The following AHCTF1 variants were observed in gnomAD, a reference collection of about 807,000 sequenced individuals.
AHCTF1 encodes the protein AT-hook containing transcription factor 1.
In AHCTF1, 24 loss-of-function variants were observed where a neutral mutation model predicts 248.4. The ratio of observed to expected loss-of-function variants is 0.10; its 90% CI spans 0.07 to 0.14. The LOEUF is 0.14. Ranked by LOEUF, AHCTF1 falls within the 10% of genes least tolerant of loss-of-function variation. AHCTF1 has a pLI of 1.00. For missense variants in AHCTF1, 2,206 were observed against 2,636.2 expected (o/e 0.84, Z 3.57); for synonymous variants, 786 against 929.8 (o/e 0.85, Z 2.81).
intron 6 of AHCTF1, 25 bp downstream of exon 6, chr1:246,905,516 A>T: frequency 1.3e-6 from 2 of 1,586,346 alleles, no homozygotes; most frequent in Non-Finnish European, 1.7e-6. Context: ...AAAACAAAAC[A>T]AAACAAAGTT....
intron 21 of AHCTF1, among the ~76,000 whole-genome samples, chr1:246,881,505 G>T (rs1259659747): frequency 2.0e-5 from 3 of 152,104 alleles, no homozygotes; most frequent in Admixed American, 6.5e-5. Flanking sequence ...ACTTATCAGT[G>T]GGTAAATCAA....
intron 23 of AHCTF1, 141 bp downstream of exon 23, chr1:246,876,807 CAG>C: frequency 9.9e-7 from 1 of 1,011,576 alleles, no homozygotes; most frequent in Non-Finnish European, 1.4e-6. Context: ...AATTCTGTTA[CAG>C]AGATGAACTG....
chr1:246,875,086 G>A (rs1329891931), intron 24 of AHCTF1, among the ~76,000 whole-genome samples: 1 of 152,152 alleles, frequency 6.6e-6, no homozygotes, highest in African/African-American at 2.4e-5. Flanking sequence ...CCACCATACT[G>A]AAGTCTCCAC....
At chr1:246,911,528 G>A (rs1665805202) in intron 4 of AHCTF1, among the ~76,000 whole-genome samples, 1 of 136,502 alleles carries the variant, frequency 7.3e-6, no homozygotes, top group Non-Finnish European at 1.5e-5. Flanking sequence ...TTGTTGCCCA[G>A]GCTGGAATGC....
intron 17 of AHCTF1, among the ~76,000 whole-genome samples, chr1:246,889,031 T>G (rs1664023188): frequency 6.6e-6 from 1 of 152,172 alleles, no homozygotes; most frequent in Non-Finnish European, 1.5e-5. Context: ...AGCCAGTCAG[T>G]CAAGGTGAGG....
chr1:246,841,955 ATT>A (rs1211083487), intron 35 of AHCTF1, among the ~76,000 whole-genome samples: 3 of 124,280 alleles, frequency 2.4e-5, no homozygotes, highest in African/African-American at 3.1e-5. Context: ...CGCCCAGCTA[ATT>A]TTTTTTTTTT....
intron 3 of AHCTF1, among the ~76,000 whole-genome samples, chr1:246,915,284 C>T (rs1477117984): frequency 2.6e-5 from 4 of 152,050 alleles, no homozygotes; most frequent in Non-Finnish European, 5.9e-5. Flanking sequence ...GAGCTGAGAT[C>T]GTGCCACTGC....
intron 14 of AHCTF1, 118 bp from the exon 15 acceptor site, chr1:246,892,037 AT>A: frequency 3.5e-6 from 4 of 1,156,982 alleles, no homozygotes; most frequent in Middle Eastern, 2.0e-4. Flanking sequence ...TCATTATGAG[AT>A]TTATAAAGAC....
intron 14 of AHCTF1, among the ~76,000 whole-genome samples, chr1:246,892,819 T>TA (rs397983640): frequency 6.6e-6 from 1 of 151,180 alleles, no homozygotes; most frequent in Non-Finnish European, 1.5e-5. Context: ...GATTTTTTTT[T>TA]GGTTTTGCAG....
At chr1:246,881,474 T>G (rs1177143508) in intron 21 of AHCTF1, among the ~76,000 whole-genome samples, 3 of 152,304 alleles carry the variant, frequency 2.0e-5, no homozygotes, top group South Asian at 4.1e-4. Context: ...TTTCACCTAT[T>G]AAATGGAGAA....
At chr1:246,926,899 C>G (rs1328397014) in intron 1 of AHCTF1, among the ~76,000 whole-genome samples, 1 of 149,178 alleles carries the variant, frequency 6.7e-6, no homozygotes, top group Non-Finnish European at 1.5e-5. Context: ...TATGGCCGGG[C>G]CGCGGTGGCA....
Position 246,849,635 on chromosome 1 carries a change from T to C in AHCTF1, c.6371A>G (p.Glu2124Gly). The C allele has an allele frequency of 1.2e-6, 2 of 1,609,676 alleles. No individual in the cohort carries two copies. Among genetic ancestry groups the C allele is most frequent in the Non-Finnish European group, 1.7e-6 (2 of 1,176,892 alleles). The change falls in exon 33 of 36, where the codon GAA becomes GGA. Residue 2124 changes from glutamate to glycine, a missense_variant. Coordinates refer to ENST00000648844, the MANE Select transcript of AHCTF1 (RefSeq NM_001323342.2). ...NNEPLFSPASEVPRKAKAKKI... is the reference protein window; with the variant it reads ...NNEPLFSPASGVPRKAKAKKI... Reference sequence around the variant, plus strand: ...AGTACCTTTTGCTTTCCTTGGAACTTCTGACGCTGGAGAAAATAAAGGCTC... The same window carrying C: ...AGTACCTTTTGCTTTCCTTGGAACTCCTGACGCTGGAGAAAATAAAGGCTC...
At chr1:246,906,738 C>T (rs1293392566) in intron 5 of AHCTF1, among the ~76,000 whole-genome samples, 1 of 152,116 alleles carries the variant, frequency 6.6e-6, no homozygotes, top group Non-Finnish European at 1.5e-5. Context: ...AAATAGGCAT[C>T]TATTTAACGC....
chr1:246,882,584 A>T, intron 21 of AHCTF1, among the ~76,000 whole-genome samples: 1 of 152,232 alleles, frequency 6.6e-6, no homozygotes, highest in East Asian at 1.9e-4. Context: ...GCTGAAAATG[A>T]AATCATTATC....
chr1:246,930,698 C>CCA (rs1488627239), intron 1 of AHCTF1, among the ~76,000 whole-genome samples: 4 of 152,124 alleles, frequency 2.6e-5, no homozygotes, highest in Non-Finnish European at 5.9e-5. Context: ...CAGACAGGAG[C>CCA]CACTGCGCCC....
At chr1:246,880,360 C>T (rs1014563887) in intron 21 of AHCTF1, among the ~76,000 whole-genome samples, 6 of 151,692 alleles carry the variant, frequency 4.0e-5, no homozygotes, top group Admixed American at 2.6e-4. Context: ...GTCAGGAATT[C>T]GAGGCCAGCC....
intron 14 of AHCTF1, 70 bp downstream of exon 14, chr1:246,894,589 C>T: frequency 8.2e-7 from 1 of 1,223,650 alleles, no homozygotes; most frequent in Non-Finnish European, 1.2e-6. Context: ...AAATTATGTA[C>T]TTAAGACATA....
chr1:246,913,532 T>G (rs1349743296), intron 3 of AHCTF1, 120 bp from the exon 4 acceptor site: 5 of 886,308 alleles, frequency 5.6e-6, no homozygotes, highest in Non-Finnish European at 8.2e-6. Flanking sequence ...TAGAGTAAAT[T>G]TGCATTTGAT....
intron 33 of AHCTF1, among the ~76,000 whole-genome samples, chr1:246,845,421 C>T (rs868235671): frequency 6.6e-6 from 1 of 151,974 alleles, no homozygotes. Flanking sequence ...ATCTCTGCTC[C>T]CAGCTTGTAA....
Sources: allele counts gnomAD v4.1 joint callset (sites outside exome capture counted in the v4.1 genomes callset), GRCh38; gene constraint gnomAD v4.1.1; transcripts MANE v1.5; gene names NCBI Gene and HGNC (gene_info 2026-07-23, HGNC 2026-07-21).